The following STAG1 variants were observed in gnomAD, a reference collection of about 807,000 sequenced individuals.
STAG1 encodes STAG1 cohesin complex component, also known as cohesin subunit SA-1.
STAG1 carries 26 observed loss-of-function variants against 170.9 expected under a neutral mutation model. That is an observed-to-expected ratio of 0.15 (90% CI 0.11 to 0.21). The LOEUF is 0.21. STAG1 is among the 10% of genes least tolerant of loss of function. The pLI, the probability that STAG1 is intolerant of heterozygous loss-of-function variation, is 1.00. For missense variants in STAG1, 964 were observed against 1,509.5 expected, an observed-to-expected ratio of 0.64 and a Z score of 5.99; for synonymous variants, 514 against 497.7, an observed-to-expected ratio of 1.03 and a Z score of -0.44.
At chr3:136,735,949 C>T (rs1419341501) in intron 1 of STAG1, among the ~76,000 whole-genome samples, 2 of 152,176 alleles carry the variant, frequency 1.3e-5, no homozygotes, top group African/African-American at 2.4e-5. Context: ...GGTCAGTAGA[C>T]GGGGGCACAT....
chr3:136,572,534 G>C (rs1313894454), intron 4 of STAG1, among the ~76,000 whole-genome samples: 1 of 146,610 alleles, frequency 6.8e-6, no homozygotes, highest in South Asian at 2.2e-4. Context: ...GGAGGTTGAG[G>C]AGGAAGCTGC....
intron 7 of STAG1, among the ~76,000 whole-genome samples, chr3:136,510,761 G>A (rs756532874): frequency 6.6e-6 from 1 of 151,602 alleles, no homozygotes. Context: ...ACAGGTGCAC[G>A]CCACCATGCC....
At chr3:136,711,413 T>G (rs1389566118) in intron 1 of STAG1, among the ~76,000 whole-genome samples, 2 of 152,100 alleles carry the variant, frequency 1.3e-5, no homozygotes, top group Non-Finnish European at 2.9e-5. Context: ...TTTTAAAAAT[T>G]AGCCAGGCAT....
At chr3:136,585,420 C>G (rs9839137) in intron 4 of STAG1, among the ~76,000 whole-genome samples, 60 of 151,816 alleles carry the variant, frequency 4.0e-4, no homozygotes, top group Admixed American at 3.1e-3. Flanking sequence ...ACAGCCTGGG[C>G]GACAGAGTGA....
chr3:136,643,015 A>G (rs1043000640), intron 1 of STAG1, among the ~76,000 whole-genome samples: 1 of 152,222 alleles, frequency 6.6e-6, no homozygotes, highest in Non-Finnish European at 1.5e-5. Context: ...GACACCAGTC[A>G]TATTGGATTA....
chr3:136,567,496 C>T (rs913271728), intron 5 of STAG1, among the ~76,000 whole-genome samples: 30 of 152,336 alleles, frequency 2.0e-4, no homozygotes, highest in Non-Finnish European at 1.5e-5. Context: ...TTTAATCTCA[C>T]ATCAGAGTTT....
intron 26 of STAG1, among the ~76,000 whole-genome samples, chr3:136,360,645 C>T (rs1936827746): frequency 6.6e-6 from 1 of 152,142 alleles, no homozygotes. Context: ...CCAGGGATTT[C>T]AAATTTATTC....
intron 1 of STAG1, among the ~76,000 whole-genome samples, chr3:136,751,512 C>G (rs1430318894): frequency 1.3e-5 from 2 of 152,108 alleles, no homozygotes; most frequent in Non-Finnish European, 2.9e-5. Context: ...TAGGCCTGGA[C>G]ACGTTTCACA....
chr3:136,417,983 CAA>C lies in STAG1; in HGVS notation c.2109-13_2109-12del. On this transcript the variant is annotated splice_polypyrimidine_tract_variant and intron_variant, in intron 20 of 33. Transcript: ENST00000383202. ...GTGAGATCATGTGCACTGAAATAAA[CAA>C]AAATGCATCTGTTTTATTCTAGAAT... is the stretch of plus-strand genomic sequence containing the variant. 1 of 1,587,384 alleles carries C rather than the reference CAA, an allele frequency of 6.3e-7. No homozygotes were observed. Among genetic ancestry groups the C allele is most frequent in the Non-Finnish European group, 8.6e-7 (1 of 1,156,678 alleles).
rs563764415 is a variant in STAG1 at position 136,478,152 on chromosome 3, T to C, written c.903-740A>G. Among the ~76,000 whole-genome samples the C allele has an allele frequency of 1.7e-3, 256 of 152,320 alleles. 1 individual carries two copies. Among genetic ancestry groups the C allele is most frequent in the African/African-American group, 5.2e-3 (215 of 41,570 alleles). On this transcript the variant is annotated intron_variant, in intron 9 of 33. Coordinates refer to ENST00000383202, the MANE Select transcript of STAG1 (RefSeq NM_005862.3). The stretch of plus-strand genomic sequence containing the variant: ...GAATTAAAAGAAAAAGCCCACTTTA[T>C]TCAAGGCACAGGTCTTTCATCTGTA...
chr3:136,350,349 C>T (rs1297901759), intron 28 of STAG1, among the ~76,000 whole-genome samples: 2 of 152,154 alleles, frequency 1.3e-5, no homozygotes, highest in Non-Finnish European at 2.9e-5. Context: ...AAGAAGCATA[C>T]CATTTGCATT....
At chr3:136,405,229 C>CTTTT (rs2087443754) in intron 21 of STAG1, among the ~76,000 whole-genome samples, 5 of 118,500 alleles carry the variant, frequency 4.2e-5, no homozygotes, top group Non-Finnish European at 7.2e-5. Context: ...ATGAAAAAAC[C>CTTTT]TCTTTTTTTT....
At chr3:136,622,656 G>C (rs1939918985) in intron 3 of STAG1, among the ~76,000 whole-genome samples, 1 of 152,138 alleles carries the variant, frequency 6.6e-6, no homozygotes, top group Non-Finnish European at 1.5e-5. Context: ...GCAGATAACA[G>C]TATCTTCTAT....
rs530799081 is a variant in STAG1, at chr3:136,503,378, A to G, written c.677-599T>C. Reference sequence around the variant, plus strand: ...TCCAATTGACCTATCCTCCCCAGCCACAGTGATAATGTACTTTTAAACGTT... The same window carrying G: ...TCCAATTGACCTATCCTCCCCAGCCGCAGTGATAATGTACTTTTAAACGTT... On this transcript the variant is annotated intron_variant, in intron 7 of 33. Transcript: ENST00000383202. Among the ~76,000 whole-genome samples, 3 of 152,316 alleles carry G rather than the reference A, an allele frequency of 2.0e-5. No individual in the cohort carries two copies. In the East Asian group the frequency reaches 5.8e-4, roughly 29 times the overall value.
chr3:136,736,855 T>C, intron 1 of STAG1: 2 of 1,583,006 alleles, frequency 1.3e-6, no homozygotes, highest in South Asian at 2.2e-5. Context: ...TTTCACAGTG[T>C]GGTCAACGTA....
At chr3:136,381,175 G>A (rs1437855391) in intron 22 of STAG1, among the ~76,000 whole-genome samples, 2 of 152,020 alleles carry the variant, frequency 1.3e-5, no homozygotes. Flanking sequence ...AAGCCTAAGA[G>A]AAAGAAGTAA....
chr3:136,669,477 C>T (rs1379017687), intron 1 of STAG1, among the ~76,000 whole-genome samples: 1 of 152,142 alleles, frequency 6.6e-6, no homozygotes, highest in African/African-American at 2.4e-5. Context: ...GCTCAGCCTC[C>T]CAAGTAGCTG....
chr3:136,587,541 C>CAAAAAAAAA (rs747339467), intron 4 of STAG1, among the ~76,000 whole-genome samples: 1 of 60,790 alleles, frequency 1.6e-5, no homozygotes, highest in Non-Finnish European at 3.0e-5. Context: ...AACTCCATCT[C>CAAAAAAAAA]AAAAAAAAAA....
intron 6 of STAG1, among the ~76,000 whole-genome samples, chr3:136,530,274 C>T (rs1212991225): frequency 6.6e-6 from 1 of 152,158 alleles, no homozygotes; most frequent in Non-Finnish European, 1.5e-5. Context: ...CAGACTATAA[C>T]AGAGACTTCA....
Sources: allele counts gnomAD v4.1 joint callset (sites outside exome capture counted in the v4.1 genomes callset), GRCh38; gene constraint gnomAD v4.1.1; transcripts MANE v1.5; gene names NCBI Gene and HGNC (gene_info 2026-07-23, HGNC 2026-07-21).